PCDH15: variants seen among roughly 807,000 people sequenced by gnomAD.
PCDH15 encodes protocadherin-15.
Under a neutral mutation model 178.5 loss-of-function variants are expected in PCDH15, and 129 were observed. That is an observed-to-expected ratio of 0.72 (90% CI 0.63 to 0.84). The LOEUF (loss-of-function observed/expected upper bound fraction) is 0.84, where lower values mean the gene tolerates loss of function less well. Among genes scored for constraint, PCDH15 ranks in the 40% least tolerant of loss-of-function variants. PCDH15 has a pLI of 0.00. For synonymous variants in PCDH15, 800 were observed against 732.0 expected (o/e 1.09, Z -1.50); for missense variants, 2,230 against 2,099.9 (o/e 1.06, Z -1.21).
At chr10:53,888,339 TATATATATAC>T (rs2081289083) in intron 26 of PCDH15, among the ~76,000 whole-genome samples, 1 of 109,558 alleles carries the variant, frequency 9.1e-6, no homozygotes, top group African/African-American at 3.6e-5. Context: ...TATGTACGTA[TATATATATAC>T]GTATATATAC....
chr10:54,885,126 T>C (rs73259930), intron 3 of PCDH15, among the ~76,000 whole-genome samples: 3,159 of 152,180 alleles, frequency 0.021, 122 homozygotes, highest in African/African-American at 0.072. Context: ...GAATGAATGA[T>C]CTTGAAAATT....
At chr10:54,920,532 G>A (rs1296797719) in intron 2 of PCDH15, among the ~76,000 whole-genome samples, 1 of 148,114 alleles carries the variant, frequency 6.8e-6, no homozygotes, top group Non-Finnish European at 1.5e-5. Context: ...ATCAGGACAT[G>A]TGTGACTGTG....
chr10:54,380,675 C>CAT (rs1218220837), intron 3 of PCDH15, among the ~76,000 whole-genome samples: 2 of 28,732 alleles, frequency 7.0e-5, no homozygotes, highest in African/African-American at 3.1e-4. Context: ...ATATATGCTC[C>CAT]ATATATATAT....
intron 2 of PCDH15, among the ~76,000 whole-genome samples, chr10:55,382,229 A>T (rs748097498): frequency 9.2e-5 from 14 of 152,112 alleles, no homozygotes; most frequent in Non-Finnish European, 1.8e-4. Context: ...CTGCCTTGGT[A>T]GGCAGAATAA....
At chr10:54,011,364 T>C (rs1260586478) in intron 20 of PCDH15, among the ~76,000 whole-genome samples, 1 of 152,162 alleles carries the variant, frequency 6.6e-6, no homozygotes, top group Non-Finnish European at 1.5e-5. Flanking sequence ...AGTGGCTCTG[T>C]ATTTTTCTGG....
chr10:55,259,893 A>T (rs1456885930), intron 1 of PCDH15, among the ~76,000 whole-genome samples: 3 of 120,230 alleles, frequency 2.5e-5, no homozygotes, highest in Non-Finnish European at 5.1e-5. Context: ...CAAGAGCAAA[A>T]CTCCGTCTCA....
chr10:54,124,888 G>A (rs2041861313), intron 15 of PCDH15, among the ~76,000 whole-genome samples: 1 of 152,206 alleles, frequency 6.6e-6, no homozygotes, highest in Non-Finnish European at 1.5e-5. Flanking sequence ...TGTTAATTCA[G>A]AGGGTCATGC....
intron 5 of PCDH15, among the ~76,000 whole-genome samples, chr10:54,364,105 G>A (rs1416336473): frequency 2.6e-5 from 4 of 151,736 alleles, no homozygotes; most frequent in African/African-American, 7.3e-5. Context: ...CCAGCTACTC[G>A]GGAGGCTGAG....
chr10:55,499,404 T>TACAC (rs200878607), intron 2 of PCDH15, among the ~76,000 whole-genome samples: 3,431 of 136,322 alleles, frequency 0.025, 48 homozygotes, highest in South Asian at 0.045. Flanking sequence ...AGACTCTCCC[T>TACAC]ACACACACAC....
chr10:55,035,721 A>T (rs10763175), intron 2 of PCDH15, among the ~76,000 whole-genome samples: 86,800 of 152,030 alleles, frequency 0.57, 25,122 homozygotes, highest in East Asian at 0.75. Flanking sequence ...AGCCAAAGAC[A>T]TTACTTAAAT....
chr10:54,518,093 C>T (rs2082417456), intron 3 of PCDH15, among the ~76,000 whole-genome samples: 1 of 152,014 alleles, frequency 6.6e-6, no homozygotes, highest in Non-Finnish European at 1.5e-5. Context: ...GCACCAAATG[C>T]CCAAAAGAGA....
At chr10:54,223,362 T>A (rs1215033921) in intron 9 of PCDH15, among the ~76,000 whole-genome samples, 6 of 149,258 alleles carry the variant, frequency 4.0e-5, no homozygotes, top group African/African-American at 1.5e-4. Flanking sequence ...TAAAAATCTT[T>A]ACCAATATTA....
At chr10:53,947,816 T>G (rs1445782911) in intron 23 of PCDH15, among the ~76,000 whole-genome samples, 2 of 152,202 alleles carry the variant, frequency 1.3e-5, no homozygotes, top group Non-Finnish European at 2.9e-5. Context: ...TCTATTCAGT[T>G]CCTTAAAGAA....
At chr10:55,123,251 T>A (rs1005005465) in intron 2 of PCDH15, among the ~76,000 whole-genome samples, 1 of 152,082 alleles carries the variant, frequency 6.6e-6, no homozygotes, top group African/African-American at 2.4e-5. Context: ...GTTTTAAAAT[T>A]ATGGAGTACA....
intron 8 of PCDH15, among the ~76,000 whole-genome samples, chr10:54,316,914 T>A (rs2061312225): frequency 6.6e-6 from 1 of 152,130 alleles, no homozygotes; most frequent in African/African-American, 2.4e-5. Context: ...GACCTGTGTG[T>A]CCTCTGACTT....
intron 2 of PCDH15, among the ~76,000 whole-genome samples, chr10:55,498,011 T>C (rs572811090): frequency 1.3e-5 from 2 of 151,872 alleles, no homozygotes; most frequent in Non-Finnish European, 2.9e-5. Context: ...ATATCTACTC[T>C]TAAGTGCAGC....
intron 21 of PCDH15, among the ~76,000 whole-genome samples, chr10:53,967,397 T>C (rs1425406344): frequency 2.0e-5 from 3 of 152,184 alleles, no homozygotes; most frequent in Non-Finnish European, 2.9e-5. Context: ...GATTAATACA[T>C]AGCTGGAACT....
At chr10:55,098,084 A>T (rs1842486814) in intron 2 of PCDH15, among the ~76,000 whole-genome samples, 1 of 152,192 alleles carries the variant, frequency 6.6e-6, no homozygotes. Context: ...CATGATTTTT[A>T]TACATTGATT....
intron 26 of PCDH15, among the ~76,000 whole-genome samples, chr10:53,887,467 C>A (rs1047318952): frequency 1.3e-5 from 2 of 152,098 alleles, no homozygotes; most frequent in African/African-American, 4.8e-5. Flanking sequence ...CTTTTAATTT[C>A]AAGCTTGTTA....
Sources: allele counts gnomAD v4.1 joint callset (sites outside exome capture counted in the v4.1 genomes callset), GRCh38; gene constraint gnomAD v4.1.1; transcripts MANE v1.5; gene names NCBI Gene and HGNC (gene_info 2026-07-23, HGNC 2026-07-21).